CLIC4: variants seen among roughly 807,000 people sequenced by gnomAD.
CLIC4 encodes chloride intracellular channel protein 4.
A neutral mutation model predicts 24.6 loss-of-function variants in CLIC4; 13 were observed. The observed-to-expected ratio is 0.53, with a 90% CI of 0.34 to 0.84. The LOEUF (loss-of-function observed/expected upper bound fraction) is 0.84. Ranked by LOEUF, CLIC4 falls within the 40% of genes least tolerant of loss-of-function variation. CLIC4 has a pLI of 0.01. For missense variants in CLIC4, 227 were observed against 301.7 expected (o/e 0.75, Z 1.83); for synonymous variants, 104 against 111.3 (o/e 0.93, Z 0.41).
chr1:24,804,201 A>G (rs183302254), intron 2 of CLIC4, among the ~76,000 whole-genome samples: 76 of 151,986 alleles, frequency 5.0e-4, no homozygotes, highest in Admixed American at 9.2e-4. Context: ...GACATCATCT[A>G]TTTCCTGCTG....
intron 1 of CLIC4, among the ~76,000 whole-genome samples, chr1:24,781,797 C>T (rs1420881071): frequency 1.3e-5 from 2 of 151,586 alleles, no homozygotes; most frequent in African/African-American, 4.9e-5. Flanking sequence ...ATTACAGGTG[C>T]CCGCCACCAC....
At chr1:24,825,996 T>A (rs1375707198) in intron 3 of CLIC4, among the ~76,000 whole-genome samples, 1 of 152,224 alleles carries the variant, frequency 6.6e-6, no homozygotes, top group Non-Finnish European at 1.5e-5. Context: ...TCTGAATTCT[T>A]CTAGCCCTGA....
intron 1 of CLIC4, among the ~76,000 whole-genome samples, chr1:24,783,218 C>T (rs1025520452): frequency 3.3e-5 from 5 of 152,128 alleles, no homozygotes; most frequent in Non-Finnish European, 7.4e-5. Context: ...ATTAATCTCT[C>T]TCCCCACCTG....
intron 1 of CLIC4, among the ~76,000 whole-genome samples, chr1:24,750,049 C>A (rs1638754274): frequency 6.6e-6 from 1 of 152,232 alleles, no homozygotes; most frequent in Non-Finnish European, 1.5e-5. Context: ...CGTGCCACTG[C>A]ACTCCAGCTT....
At chr1:24,754,581 A>T (rs1040883997) in intron 1 of CLIC4, among the ~76,000 whole-genome samples, 1 of 152,120 alleles carries the variant, frequency 6.6e-6, no homozygotes, top group African/African-American at 2.4e-5. Context: ...TTGCATAGAG[A>T]ATGGAAAGGG....
rs1287206906 is a variant in CLIC4, at chr1:24,843,387, T to C, written c.*2450T>C. 1 of 152,206 alleles carries C rather than the reference T, an allele frequency of 6.6e-6. No individual in the cohort carries two copies. Among genetic ancestry groups the C allele is most frequent in the Non-Finnish European group, 1.5e-5 (1 of 68,018 alleles). 9.4% of individuals were successfully genotyped at this position (152,206 alleles called of 1,614,324 possible). ...AGTTCATGCAGTATATGAATTGCCA[T>C]AATGGAAATAATCTGATTTTATTTT... On this transcript the variant is annotated 3_prime_UTR_variant, in exon 6 of 6. Transcript: ENST00000374379.
intron 1 of CLIC4, among the ~76,000 whole-genome samples, chr1:24,790,164 C>T (rs139480186): frequency 1.0e-3 from 153 of 152,348 alleles, no homozygotes; most frequent in African/African-American, 3.5e-3. Flanking sequence ...CTCTGCCTGC[C>T]AGGTTCAAGC....
chr1:24,824,017 G>A (rs1206229070), intron 3 of CLIC4, among the ~76,000 whole-genome samples: 5 of 152,202 alleles, frequency 3.3e-5, no homozygotes, highest in Admixed American at 3.3e-4. Flanking sequence ...TTTATTATTT[G>A]CCTCCCTTTT....
At chr1:24,749,276 A>G (rs1638746077) in intron 1 of CLIC4, among the ~76,000 whole-genome samples, 1 of 152,112 alleles carries the variant, frequency 6.6e-6, no homozygotes, top group Non-Finnish European at 1.5e-5. Context: ...GTGGTTGTCC[A>G]GAGTGGTATG....
intron 4 of CLIC4, among the ~76,000 whole-genome samples, chr1:24,838,610 A>T (rs1238190895): frequency 6.6e-6 from 1 of 152,120 alleles, no homozygotes; most frequent in Non-Finnish European, 1.5e-5. Context: ...CCACCTCATG[A>T]TATTTAACTT....
intron 1 of CLIC4, 54 bp from the exon 2 acceptor site, chr1:24,797,688 A>G: frequency 8.0e-7 from 1 of 1,249,252 alleles, no homozygotes; most frequent in Non-Finnish European, 1.1e-6. Flanking sequence ...AAGTTATGTC[A>G]TGTTGAGTAT....
chr1:24,751,552 A>G (rs1336598745), intron 1 of CLIC4, among the ~76,000 whole-genome samples: 1 of 152,116 alleles, frequency 6.6e-6, no homozygotes, highest in East Asian at 1.9e-4. Context: ...TATATTTACT[A>G]GTGTTTCTTC....
intron 4 of CLIC4, 93 bp downstream of exon 4, chr1:24,827,209 G>A: frequency 1.3e-6 from 1 of 750,186 alleles, no homozygotes; most frequent in Non-Finnish European, 2.2e-6. Flanking sequence ...GAGTACTTTA[G>A]AGTCCAGCCA....
intron 3 of CLIC4, among the ~76,000 whole-genome samples, chr1:24,822,173 TG>T (rs1216615876): frequency 6.6e-6 from 1 of 152,152 alleles, no homozygotes; most frequent in East Asian, 1.9e-4. Context: ...GTTTGGCTTT[TG>T]TAAAAGAGGG....
intron 1 of CLIC4, among the ~76,000 whole-genome samples, chr1:24,747,336 C>T (rs547758551): frequency 6.6e-6 from 1 of 151,628 alleles, no homozygotes; most frequent in South Asian, 2.1e-4. Context: ...GAGATCGAGA[C>T]CATCCTGGCC....
chr1:24,823,223 G>A (rs1221950774), intron 3 of CLIC4, among the ~76,000 whole-genome samples: 1 of 152,152 alleles, frequency 6.6e-6, no homozygotes, highest in Non-Finnish European at 1.5e-5. Context: ...GCTCAAATCA[G>A]ATAACTTTTA....
chr1:24,751,485 C>T (rs1389605365), intron 1 of CLIC4, among the ~76,000 whole-genome samples: 6 of 82,004 alleles, frequency 7.3e-5, no homozygotes, highest in South Asian at 3.0e-4. Flanking sequence ...GTGATCCACC[C>T]GCTCGGCCTC....
chr1:24,796,793 A>G lies in CLIC4; in HGVS notation c.73-949A>G, dbSNP rs139215045. ...AATTTAAAATAAATGAAACAAAAAA[A>G]TTCAGTTCACTTGAACTAGCCCCAT... is the stretch of plus-strand genomic sequence containing the variant. On this transcript the variant is annotated intron_variant, in intron 1 of 5. Transcript: ENST00000374379. 1.1e-3 allele frequency among the ~76,000 whole-genome samples: 169 copies of G among 152,262 alleles called. 1 individual carries two copies. Among genetic ancestry groups the G allele is most frequent in the African/African-American group, 3.9e-3 (160 of 41,538 alleles).
intron 3 of CLIC4, among the ~76,000 whole-genome samples, chr1:24,820,067 GTATATATATA>G (rs751126014): frequency 0.036 from 1,300 of 36,476 alleles, 201 homozygotes; most frequent in East Asian, 0.057. Context: ...AAAAAAGTAT[GTATATATATA>G]TGTATATATA....
Sources: allele counts gnomAD v4.1 joint callset (sites outside exome capture counted in the v4.1 genomes callset), GRCh38; gene constraint gnomAD v4.1.1; transcripts MANE v1.5; gene names NCBI Gene and HGNC (gene_info 2026-07-23, HGNC 2026-07-21).